Variants in SETD1A observed in about 807,000 individuals in gnomAD.
The protein encoded by SETD1A is histone-lysine N-methyltransferase SETD1A.
In SETD1A, 29 loss-of-function variants were observed where a neutral mutation model predicts 149.9. The observed-to-expected ratio is 0.19, with a 90% CI of 0.14 to 0.26. The LOEUF is 0.26. Ranked by LOEUF, SETD1A falls within the 10% of genes least tolerant of loss-of-function variation. The pLI is 1.00. For synonymous variants in SETD1A, 1,141 were observed against 968.5 expected (o/e 1.18, Z -3.31); for missense variants, 2,109 against 2,353.1 (o/e 0.90, Z 2.15).
Position 30,983,518 on chromosome 16 carries a change from G to A in SETD1A, c.4813-117G>A. ...GTCAGTGCCGGGTTAGCGGGAGCTG[G>A]AGGCAGAGCTGCAGCTCCAGGCCTG... On this transcript the variant is annotated intron_variant, in intron 17 of 18. Coordinates refer to ENST00000262519, the MANE Select transcript of SETD1A (RefSeq NM_014712.3). The surrounding 1 kb of genome is among the most constrained non-coding windows in gnomAD (Gnocchi z 6.8). 8.3e-7 allele frequency: 1 copy of A among 1,209,600 alleles called. No individual in the cohort carries two copies. Among genetic ancestry groups the A allele is most frequent in the Non-Finnish European group, 1.2e-6 (1 of 855,866 alleles). 74.9% of individuals were successfully genotyped at this position (1,209,600 alleles called of 1,614,324 possible).
In SETD1A at chr16:30,979,269, C is replaced by G. The variant is rs377587137; in HGVS notation, c.3483C>G (p.Pro1161=). The G allele has an allele frequency of 1.2e-4, 198 of 1,613,246 alleles. No homozygotes were observed. The highest frequency in any genetic ancestry group is 2.2e-5 in the Non-Finnish European group (26 of 1,179,624). Residue 1161 remains proline (P), a synonymous_variant, in exon 14 of 19, where the codon CCC becomes CCG. Coordinates refer to ENST00000262519, the MANE Select transcript of SETD1A (RefSeq NM_014712.3). ...PSSPIPLLPP[P]KKRRKTVSFS... ...CTCCCATCCCCCTCCTGCCCCCACC[C>G]AAGAAACGCCGGAAAACTGTCTCCT...
At chr16:30,959,267 G>A in intron 3 of SETD1A, 81 bp downstream of exon 3, 3 of 939,540 alleles carry the variant, frequency 3.2e-6, no homozygotes, top group Non-Finnish European at 5.3e-6. Flanking sequence ...TGAATAAAAG[G>A]GTTTCCAATG....
In SETD1A at chr16:30,965,344, A is replaced by G. The variant is rs181115838; in HGVS notation, c.1602A>G (p.Ser534=). 1.7e-4 allele frequency: 268 copies of G among 1,614,158 alleles called. No homozygotes were observed. In the East Asian group the frequency reaches 4.3e-3, roughly 26 times the overall value. ...RDTGSEVPSG[S]GHGPCTPPPA... ...CAGGGAGTGAGGTGCCTTCTGGGTC[A>G]GGGCATGGGCCCTGCACACCCCCTC... Residue 534 remains serine, a synonymous_variant, in exon 7 of 19, where the codon TCA becomes TCG. Coordinates refer to ENST00000262519, the MANE Select transcript of SETD1A (RefSeq NM_014712.3).
chr16:30,963,491 T>C lies in SETD1A; in HGVS notation c.576T>C (p.Thr192=), dbSNP rs759378852. Residue 192 remains threonine (T), a synonymous_variant, in exon 5 of 19, where the codon ACT becomes ACC. Coordinates refer to ENST00000262519, the MANE Select transcript of SETD1A (RefSeq NM_014712.3). ...LIVNGSYTPQ[T]VPTGGKALSE... is the part of the protein sequence containing the mutation. The stretch of plus-strand genomic sequence containing the variant: ...TCAATGGCTCCTACACCCCTCAGAC[T>C]GTGCCCACTGGGGGCAAGGCCCTGA... 1.9e-6 allele frequency: 3 copies of C among 1,613,370 alleles called. No homozygotes were observed. In the Admixed American group the frequency reaches 5.0e-5, roughly 27 times the overall value.
intron 13 of SETD1A, 146 bp downstream of exon 13, chr16:30,971,865 C>T (rs2075162055): frequency 1.8e-6 from 2 of 1,127,322 alleles, no homozygotes; most frequent in Non-Finnish European, 2.4e-6. Context: ...TCACTACCTT[C>T]TAGAGACATT....
chr16:30,966,191 G>C lies in SETD1A; in HGVS notation c.2310G>C (p.Arg770=). 6.2e-7 allele frequency: 1 copy of C among 1,612,402 alleles called. No homozygotes were observed. The highest frequency in any genetic ancestry group is 1.7e-5 in the Admixed American group (1 of 59,978). The change falls in exon 8 of 19, where the codon CGG becomes CGC. Residue 770 remains arginine, a synonymous_variant. Transcript: ENST00000262519. ...PSSSVSGEEA[R]LPPREEAELA... ...CCTCAGTCTCGGGAGAGGAGGCCCG[G>C]CTGCCACCCAGGGAAGAAGCAGAGC... is the stretch of plus-strand genomic sequence containing the variant.
chr16:30,962,688 T>G (rs751920673), intron 4 of SETD1A, among the ~76,000 whole-genome samples: 2 of 152,264 alleles, frequency 1.3e-5, no homozygotes, highest in Non-Finnish European at 2.9e-5. Context: ...GGCTCACGCC[T>G]GTAATCCCAA....
intron 12 of SETD1A, among the ~76,000 whole-genome samples, chr16:30,970,206 C>T (rs2056207561): frequency 1.3e-5 from 2 of 150,232 alleles, no homozygotes; most frequent in Non-Finnish European, 3.0e-5. Context: ...TGAGCTCAGG[C>T]GATCCACCCA....
intron 13 of SETD1A, among the ~76,000 whole-genome samples, chr16:30,972,735 T>A (rs1290545750): frequency 6.7e-6 from 1 of 150,068 alleles, no homozygotes; most frequent in African/African-American, 2.5e-5. Flanking sequence ...ACACCTGTGA[T>A]CCCAGCTGCT....
chr16:30,979,948 GC>G lies in SETD1A; in HGVS notation c.4165del (p.Leu1389SerfsTer36). 1 of 1,533,348 alleles carries G rather than the reference GC, an allele frequency of 6.5e-7. No individual in the cohort carries two copies. Among genetic ancestry groups the G allele is most frequent in the Non-Finnish European group, 8.7e-7 (1 of 1,144,226 alleles). 95.0% of individuals were successfully genotyped at this position (1,533,348 alleles called of 1,614,324 possible). ...DSSSSSDGEGALRRRSLRSHA... is the reference protein window; with the variant it reads ...DSSSSSDGEGXLRRRSLRSHA... ...CAGCAGCAGCAGCGATGGGGAGGGC[GC>G]CCTCCGGAGGCGCAGCCTCCGCTCC... On this transcript the variant is annotated frameshift_variant, in exon 14 of 19. Transcript: ENST00000262519. LOFTEE classifies it high-confidence loss of function.
In SETD1A at chr16:30,971,541, C is replaced by T. The variant is rs777336428; in HGVS notation, c.3180C>T (p.Ser1060=). The change falls in exon 13 of 19, where the codon TCC becomes TCT. Residue 1060 remains serine, a synonymous_variant. Transcript: ENST00000262519. ...SSSSSSSSSE[S]SSEDEEEEER... The stretch of plus-strand genomic sequence containing the variant: ...CCTCGTCCTCTTCATCCTCTGAGTC[C>T]TCCTCTGAAGATGAAGAGGAAGAGG... 2 of 1,613,834 alleles carry T rather than the reference C, an allele frequency of 1.2e-6. No homozygotes were observed. Among genetic ancestry groups the T allele is most frequent in the South Asian group, 1.1e-5 (1 of 91,066 alleles).
intron 9 of SETD1A, 31 bp from the exon 10 acceptor site, chr16:30,967,470 A>G (rs951935858): frequency 1.2e-6 from 2 of 1,604,796 alleles, no homozygotes; most frequent in Non-Finnish European, 1.7e-6. Flanking sequence ...TTTGAGCTCT[A>G]AACAGGCCCC....
chr16:30,959,054 C>G (rs1028297386), intron 2 of SETD1A, 37 bp from the exon 3 acceptor site: 9 of 1,534,594 alleles, frequency 5.9e-6, no homozygotes, highest in Non-Finnish European at 6.3e-6. Flanking sequence ...CCTGGATTCA[C>G]CCTGAGCTCT....
Position 30,984,513 on chromosome 16 carries a change from A to C in SETD1A, c.*490A>C, listed in dbSNP as rs1322693636. ...CCTCATCTGTTCCTGCCAGACCCTG[A>C]GGGTCACCCTTCCACCCTGGTGTCA... On this transcript the variant is annotated 3_prime_UTR_variant, in exon 19 of 19. Coordinates refer to ENST00000262519, the MANE Select transcript of SETD1A (RefSeq NM_014712.3). The C allele has an allele frequency of 6.2e-6, 1 of 161,152 alleles. No individual in the cohort carries two copies. The highest frequency in any genetic ancestry group is 2.4e-5 in the African/African-American group (1 of 41,518). The allele number at this position is 161,152 out of a possible 1,614,324, so 10.0% of individuals were successfully genotyped here.
Position 30,965,794 on chromosome 16 carries a change from C to G in SETD1A, c.1913C>G (p.Pro638Arg), listed in dbSNP as rs755001760. ...HQPAYLLPPR[P>R]DGPPPPEYPP... Reference sequence around the variant, plus strand: ...CCTGCCTACCTCCTCCCACCCAGACCTGATGGGCCGCCGCCCCCTGAGTAC... The same window carrying G: ...CCTGCCTACCTCCTCCCACCCAGACGTGATGGGCCGCCGCCCCCTGAGTAC... The change falls in exon 8 of 19, where the codon CCT (proline) becomes CGT (arginine). Residue 638 changes from proline (P) to arginine (R), a missense_variant. Physicochemically the swap from Pro to Arg is moderately radical, Grantham distance 103. Transcript: ENST00000262519. 1.3e-6 allele frequency: 2 copies of G among 1,593,158 alleles called. No individual in the cohort carries two copies. Among genetic ancestry groups the G allele is most frequent in the Non-Finnish European group, 1.7e-6 (2 of 1,168,656 alleles).
At position 30,966,267 on chromosome 16, in the gene SETD1A, G is replaced by T. The variant is rs896870277; in HGVS notation, c.2386G>T (p.Ala796Ser). 2 of 1,613,898 alleles carry T rather than the reference G, an allele frequency of 1.2e-6. No individual in the cohort carries two copies. The highest frequency in any genetic ancestry group is 2.2e-5 in the South Asian group (2 of 91,078). ...PTAGTVGRVL[A>S]MLVQEMKSIM... The stretch of plus-strand genomic sequence containing the variant: ...AGCAGGCACCGTGGGCCGTGTGCTC[G>T]CCATGCTGGTCCAGGAGATGAAGAG... The change falls in exon 8 of 19, where the codon GCC becomes TCC. Residue 796 changes from alanine to serine, a missense_variant. This residue lies in a region of SETD1A where 431 missense variants were observed against 388.6 expected (regional missense o/e 1.11). Transcript: ENST00000262519.
Position 30,983,825 on chromosome 16 carries a change from G to A in SETD1A, c.4951-25G>A, listed in dbSNP as rs371017536. 62 of 1,610,656 alleles carry A rather than the reference G, an allele frequency of 3.8e-5. No homozygotes were observed. The highest frequency in any genetic ancestry group is 2.0e-4 in the Admixed American group (12 of 59,718). ...GTTGGGGGTCGGTGGGGGTGGCCAC[G>A]GCTCACACGCCCTTCCATCCGCAGC... On this transcript the variant is annotated intron_variant, in intron 18 of 18. Coordinates refer to ENST00000262519, the MANE Select transcript of SETD1A (RefSeq NM_014712.3). The surrounding 1 kb of genome is among the most constrained non-coding windows in gnomAD (Gnocchi z 6.8).
intron 12 of SETD1A, among the ~76,000 whole-genome samples, chr16:30,970,302 T>G (rs1319130733): frequency 6.7e-6 from 1 of 149,172 alleles, no homozygotes. Flanking sequence ...GAGTCTCGCT[T>G]TGTCACCCAG....
chr16:30,959,243 C>T, intron 3 of SETD1A, 57 bp downstream of exon 3: 1 of 1,101,254 alleles, frequency 9.1e-7, no homozygotes, highest in Non-Finnish European at 1.4e-6. Flanking sequence ...GAGGATGCGT[C>T]TTGGCACTAT....
Sources: gnomAD v4.1 joint callset for allele counts (sites outside exome capture counted in the v4.1 genomes callset) on GRCh38, gnomAD v4.1.1 for gene constraint, gnomAD v4.1.1 regional missense constraint, Gnocchi (gnomAD v3.1) non-coding constraint, MANE v1.5 for transcripts, NCBI Gene and HGNC (gene_info 2026-07-23, HGNC 2026-07-21) for gene names.